The following BTLA variants were observed in gnomAD, a reference collection of about 807,000 sequenced individuals.
BTLA encodes the protein B and T lymphocyte associated.
Under a neutral mutation model 25.0 loss-of-function variants are expected in BTLA, and 11 were observed. The ratio of observed to expected loss-of-function variants is 0.44; its 90% CI spans 0.28 to 0.73. The LOEUF (loss-of-function observed/expected upper bound fraction) is 0.73. Ranked by LOEUF, BTLA falls within the 30% of genes least tolerant of loss-of-function variation. The pLI, the probability that BTLA is intolerant of heterozygous loss-of-function variation, is 0.15. For synonymous variants in BTLA, 104 were observed against 119.8 expected, an observed-to-expected ratio of 0.87 and a Z score of 0.86; for missense variants, 282 against 332.8, an observed-to-expected ratio of 0.85 and a Z score of 1.19.
At chr3:112,492,611 A>G (rs1205368528) in intron 1 of BTLA, among the ~76,000 whole-genome samples, 1 of 152,244 alleles carries the variant, frequency 6.6e-6, no homozygotes, top group Non-Finnish European at 1.5e-5. Context: ...TCTCTAATAC[A>G]TTCTACCACA....
Position 112,479,466 on chromosome 3 carries a change from A to G in BTLA, c.392T>C (p.Leu131Pro). ...TGTTGAGAACTCACCTGTCACATAA[A>G]GAGTTGTTGAGTGGCTTTCAATGAG... ...SNLIESHSTT[L>P]YVTDVKSASE... The change falls in exon 2 of 5, where the codon CTT becomes CCT. Residue 131 changes from leucine (L) to proline (P), a missense_variant. Physicochemically the swap from Leu to Pro is moderately conservative, Grantham distance 98 (BLOSUM62 -3). Around this residue, in one of 2 missense-constraint regions of BTLA, gnomAD observed 163 missense variants for 230.4 expected, o/e 0.71. Coordinates refer to ENST00000334529, the MANE Select transcript of BTLA (RefSeq NM_181780.4). The G allele has an allele frequency of 6.2e-7, 1 of 1,610,492 alleles. No homozygotes were observed. The highest frequency in any genetic ancestry group is 8.5e-7 in the Non-Finnish European group (1 of 1,177,472).
At chr3:112,476,274 T>C (rs1306977871) in intron 2 of BTLA, among the ~76,000 whole-genome samples, 1 of 152,226 alleles carries the variant, frequency 6.6e-6, no homozygotes, top group East Asian at 1.9e-4. Flanking sequence ...TATTTCATAA[T>C]TGAGGGTTGT....
intron 1 of BTLA, among the ~76,000 whole-genome samples, chr3:112,481,892 T>A (rs1328964522): frequency 2.6e-5 from 4 of 152,240 alleles, no homozygotes; most frequent in African/African-American, 7.2e-5. Context: ...GCAGCCTAAA[T>A]GCTTTGCGGC....
In BTLA at chr3:112,464,050, C is replaced by G. The variant is rs1379410158; in HGVS notation, c.*2058G>C. 29 of 397,036 alleles carry G rather than the reference C, an allele frequency of 7.3e-5. No homozygotes were observed. The highest frequency in any genetic ancestry group is 1.3e-4 in the Non-Finnish European group (29 of 225,192). 24.6% of individuals were successfully genotyped at this position (397,036 alleles called of 1,614,324 possible). A position where few individuals can be genotyped will look rare whatever the true frequency, so the allele number is the denominator to read the frequency against. On this transcript the variant is annotated 3_prime_UTR_variant, in exon 5 of 5. Transcript: ENST00000334529. ...AATTTGTGAAAAACCATTAAATTAT[C>G]TACATATTCTTTTTCTCAAACCCTC...
At position 112,479,732 on chromosome 3, in the gene BTLA, T is replaced by C; in HGVS notation, c.126A>G (p.Arg42=). ...ESCDVQLYIK[R]QSEHSILAGD... Reference sequence around the variant, plus strand: ...CTGCTAAGATGGAGTGTTCAGATTGTCTCTTTATATAAAGCTGTACATCAC... The same window carrying C: ...CTGCTAAGATGGAGTGTTCAGATTGCCTCTTTATATAAAGCTGTACATCAC... The change falls in exon 2 of 5, where the codon AGA becomes AGG. Residue 42 remains arginine (R), a synonymous_variant. Transcript: ENST00000334529. 2.5e-6 allele frequency: 4 copies of C among 1,612,936 alleles called. No individual in the cohort carries two copies. The highest frequency in any genetic ancestry group is 2.5e-6 in the Non-Finnish European group (3 of 1,179,456).
At chr3:112,496,588 C>T (rs1330897821) in intron 1 of BTLA, among the ~76,000 whole-genome samples, 1 of 152,052 alleles carries the variant, frequency 6.6e-6, no homozygotes, top group African/African-American at 2.4e-5. Context: ...CAGGAAATCC[C>T]CAAGATATAA....
intron 1 of BTLA, among the ~76,000 whole-genome samples, chr3:112,492,291 G>A (rs1266245951): frequency 9.9e-5 from 15 of 152,232 alleles, no homozygotes; most frequent in Admixed American, 9.8e-4. Context: ...AAAGAACAAT[G>A]ATTTAGAGAG....
chr3:112,469,740 C>T lies in BTLA; in HGVS notation c.594+18G>A. 6.3e-7 allele frequency: 1 copy of T among 1,594,998 alleles called. No individual in the cohort carries two copies. The highest frequency in any genetic ancestry group is 2.3e-5 in the East Asian group (1 of 44,420). On this transcript the variant is annotated intron_variant, in intron 4 of 4. Coordinates refer to ENST00000334529, the MANE Select transcript of BTLA (RefSeq NM_181780.4). ...ATAACACAAATTGCATTTGTTTCAA[C>T]AGCTACATCAAGCTTACCAGGTTAA...
At chr3:112,497,926 G>A (rs1426609229) in intron 1 of BTLA, among the ~76,000 whole-genome samples, 1 of 152,116 alleles carries the variant, frequency 6.6e-6, no homozygotes, top group Non-Finnish European at 1.5e-5. Flanking sequence ...GCTCATACCT[G>A]TAATCCTAGC....
At chr3:112,467,120 G>A (rs1342154341) in intron 4 of BTLA, among the ~76,000 whole-genome samples, 2 of 151,986 alleles carry the variant, frequency 1.3e-5, no homozygotes, top group East Asian at 1.9e-4. Flanking sequence ...ACCTCGCCCG[G>A]CTAATTTTTT....
intron 1 of BTLA, among the ~76,000 whole-genome samples, chr3:112,492,737 T>C (rs556311200): frequency 5.9e-5 from 9 of 152,328 alleles, no homozygotes; most frequent in East Asian, 3.9e-4. Flanking sequence ...TCTAATATTA[T>C]AGAGGAAAAT....
intron 1 of BTLA, among the ~76,000 whole-genome samples, chr3:112,483,741 G>A (rs1329214458): frequency 2.0e-5 from 3 of 152,018 alleles, no homozygotes; most frequent in Non-Finnish European, 4.4e-5. Flanking sequence ...GCCGAGGGAG[G>A]TGGATCACCT....
At chr3:112,483,140 CTTTTTT>C (rs35513528) in intron 1 of BTLA, among the ~76,000 whole-genome samples, 3 of 51,668 alleles carry the variant, frequency 5.8e-5, no homozygotes, top group South Asian at 9.9e-4. Flanking sequence ...GGGCACCTTT[CTTTTTT>C]TTTTTTTTTT....
At chr3:112,472,101 T>A (rs2082265828) in intron 2 of BTLA, among the ~76,000 whole-genome samples, 1 of 152,130 alleles carries the variant, frequency 6.6e-6, no homozygotes, top group Non-Finnish European at 1.5e-5. Flanking sequence ...TGTGGCAATG[T>A]CTGGAGACAT....
intron 2 of BTLA, among the ~76,000 whole-genome samples, chr3:112,475,516 C>G (rs1012853201): frequency 1.4e-4 from 21 of 152,216 alleles, no homozygotes; most frequent in Non-Finnish European, 2.9e-5. Context: ...CTAGAACAGG[C>G]ACCTTTATGC....
In BTLA at chr3:112,471,260, G is replaced by A; in HGVS notation, c.499C>T (p.Leu167Phe). 1.2e-6 allele frequency: 2 copies of A among 1,614,128 alleles called. No homozygotes were observed. Among genetic ancestry groups the A allele is most frequent in the South Asian group, 1.1e-5 (1 of 91,080 alleles). Residue 167 changes from leucine (L) to phenylalanine (F), a missense_variant, in exon 3 of 5, where the codon CTC becomes TTC. Leu to Phe is a conservative substitution (Grantham distance 22). This residue lies in a region of BTLA where 163 missense variants were observed against 230.4 expected (regional missense o/e 0.71). Transcript: ENST00000334529. Reference sequence around the variant, plus strand: ...AACAGGCAGAAACAGGTAGTGATGAGTAGAGGCAATCCCCCCAAAGGAAGT... The same window carrying A: ...AACAGGCAGAAACAGGTAGTGATGAATAGAGGCAATCCCCCCAAAGGAAGT... Reference protein sequence around the residue: ...RLLPLGGLPLLITTCFCLFCC... With the variant: ...RLLPLGGLPLFITTCFCLFCC...
chr3:112,474,491 A>G (rs909223219), intron 2 of BTLA, among the ~76,000 whole-genome samples: 6 of 152,048 alleles, frequency 3.9e-5, no homozygotes, highest in African/African-American at 1.4e-4. Flanking sequence ...CCTTTTGTGA[A>G]GGAAGTTAAA....
chr3:112,466,968 T>G (rs1301641797), intron 4 of BTLA, among the ~76,000 whole-genome samples: 1 of 151,734 alleles, frequency 6.6e-6, no homozygotes, highest in Admixed American at 6.6e-5. Flanking sequence ...CTTTTTTTTT[T>G]TTTTTTTTGA....
chr3:112,485,128 T>C (rs918764339), intron 1 of BTLA, among the ~76,000 whole-genome samples: 4 of 152,144 alleles, frequency 2.6e-5, no homozygotes, highest in Non-Finnish European at 5.9e-5. Flanking sequence ...CACTGCAGCC[T>C]CCGCCTCCCA....
Sources: gnomAD v4.1 joint callset for allele counts (sites outside exome capture counted in the v4.1 genomes callset) on GRCh38, gnomAD v4.1.1 for gene constraint, gnomAD v4.1.1 regional missense constraint, MANE v1.5 for transcripts, NCBI Gene and HGNC (gene_info 2026-07-23, HGNC 2026-07-21) for gene names.